Variants in DNAJC17 observed in about 807,000 individuals in gnomAD.
DNAJC17 encodes the protein dnaJ homolog subfamily C member 17.
A neutral mutation model predicts 48.1 loss-of-function variants in DNAJC17; 35 were observed. The observed-to-expected ratio is 0.73, with a 90% CI of 0.56 to 0.96. DNAJC17 has a LOEUF of 0.96. Ranked by LOEUF, DNAJC17 falls within the 50% of genes least tolerant of loss-of-function variation. The pLI, the probability that DNAJC17 is intolerant of heterozygous loss-of-function variation, is 0.00. For synonymous variants in DNAJC17, 117 were observed against 142.7 expected (o/e 0.82, Z 1.28); for missense variants, 355 against 377.1 (o/e 0.94, Z 0.48).
In DNAJC17 at chr15:40,770,049, A is replaced by C; in HGVS notation, c.793-1987T>G. ...CACGGCCCCACACTGCCCCAGAGACATATAGGAGCCAGGCAAACACCAGGG... is the reference window on the plus strand; with the variant it reads ...CACGGCCCCACACTGCCCCAGAGACCTATAGGAGCCAGGCAAACACCAGGG... On this transcript the variant is annotated intron_variant, in intron 10 of 10. Transcript: ENST00000220496. This position sits in a 1 kb window ranked among gnomAD's most constrained non-coding sequence, Gnocchi z 5.0. 5.6e-6 allele frequency: 1 copy of C among 179,202 alleles called. No individual in the cohort carries two copies. The allele number at this position is 179,202 out of a possible 1,614,324, so 11.1% of individuals were successfully genotyped here. A position where few individuals can be genotyped will look rare whatever the true frequency, so the allele number is the denominator to read the frequency against.
intron 6 of DNAJC17, among the ~76,000 whole-genome samples, chr15:40,775,825 ACT>A (rs1041073845): frequency 2.0e-5 from 3 of 152,028 alleles, no homozygotes; most frequent in African/African-American, 7.2e-5. Context: ...ACTTGTCAGC[ACT>A]CTCTGAATGG....
rs541743713 is a variant in DNAJC17 at position 40,774,723 on chromosome 15, C to T, written c.601-287G>A. 3.9e-4 allele frequency among the ~76,000 whole-genome samples: 59 copies of T among 152,322 alleles called. 1 individual carries two copies. Among genetic ancestry groups the T allele is most frequent in the African/African-American group, 1.0e-3 (42 of 41,564 alleles). On this transcript the variant is annotated intron_variant, in intron 8 of 10. Coordinates refer to ENST00000220496, the MANE Select transcript of DNAJC17 (RefSeq NM_018163.3). The stretch of plus-strand genomic sequence containing the variant: ...TGCTAGTTGAACGTGGTGAAAAGGA[C>T]GGGGCTTTCGTGCCAGATACGCACC...
intron 1 of DNAJC17, among the ~76,000 whole-genome samples, chr15:40,788,675 C>T (rs551733341): frequency 6.8e-6 from 1 of 146,978 alleles, no homozygotes; most frequent in African/African-American, 2.5e-5. Flanking sequence ...CAGCCTGGGC[C>T]ACAGAGCGAG....
chr15:40,770,361 G>C lies in DNAJC17; in HGVS notation c.793-2299C>G. The C allele has an allele frequency of 1.2e-6, 1 of 836,284 alleles. No individual in the cohort carries two copies. The highest frequency in any genetic ancestry group is 1.8e-6 in the Non-Finnish European group (1 of 550,196). 51.8% of individuals were successfully genotyped at this position (836,284 alleles called of 1,614,324 possible). On this transcript the variant is annotated intron_variant, in intron 10 of 10. Coordinates refer to ENST00000220496, the MANE Select transcript of DNAJC17 (RefSeq NM_018163.3). The surrounding 1 kb of genome is among the most constrained non-coding windows in gnomAD (Gnocchi z 5.0). ...CTCACCATCCAAGATGTGGTCAAAG[G>C]TCTGTGCTGAGTGGAAACCCTGAGG...
Position 40,767,252 on chromosome 15 carries a change from C to T in DNAJC17, c.*688G>A. 1.9e-6 allele frequency: 3 copies of T among 1,591,750 alleles called. No homozygotes were observed. Among genetic ancestry groups the T allele is most frequent in the Non-Finnish European group, 2.6e-6 (3 of 1,169,446 alleles). On this transcript the variant is annotated 3_prime_UTR_variant, in exon 11 of 11. Coordinates refer to ENST00000220496, the MANE Select transcript of DNAJC17 (RefSeq NM_018163.3). ...TATGAATACTACGTCGATGACCCTC[C>T]CCGCATAGTCCTGGACAAGCTGGAA...
At position 40,767,580 on chromosome 15, in the gene DNAJC17, C is replaced by T. The variant is rs537459148; in HGVS notation, c.*360G>A. On this transcript the variant is annotated 3_prime_UTR_variant, in exon 11 of 11. Coordinates refer to ENST00000220496, the MANE Select transcript of DNAJC17 (RefSeq NM_018163.3). ...TCCCAGCTGCCCTCCTGCTTCGGGC[C>T]TGGGCCGAGGGCCTTGTGTAGGCCA... 11 of 604,144 alleles carry T rather than the reference C, an allele frequency of 1.8e-5. No individual in the cohort carries two copies. The highest frequency in any genetic ancestry group is 3.8e-5 in the African/African-American group (2 of 52,004). 37.4% of individuals were successfully genotyped at this position (604,144 alleles called of 1,614,324 possible).
In DNAJC17 at chr15:40,765,664, C is replaced by G. The variant is rs1347703158; in HGVS notation, c.*2276G>C. ...TGCTCCTCCTGATCATTGATGGGCT[C>G]CACCCCTTCACAGCTTGTGCTCAGC... On this transcript the variant is annotated 3_prime_UTR_variant, in exon 11 of 11. Coordinates refer to ENST00000220496, the MANE Select transcript of DNAJC17 (RefSeq NM_018163.3). 7.3e-6 allele frequency: 3 copies of G among 412,120 alleles called. No homozygotes were observed. The highest frequency in any genetic ancestry group is 4.1e-5 in the African/African-American group (2 of 48,838). 25.5% of individuals were successfully genotyped at this position (412,120 alleles called of 1,614,324 possible). A position where few individuals can be genotyped will look rare whatever the true frequency, so the allele number is the denominator to read the frequency against.
intron 1 of DNAJC17, among the ~76,000 whole-genome samples, chr15:40,795,769 C>T (rs553415514): frequency 1.1e-4 from 16 of 152,248 alleles, no homozygotes; most frequent in African/African-American, 3.6e-4. Context: ...GTGGTGGGCA[C>T]CTGTAGTCCC....
intron 7 of DNAJC17, 40 bp downstream of exon 7, chr15:40,775,513 T>C (rs1056951332): frequency 2.5e-6 from 4 of 1,608,124 alleles, no homozygotes; most frequent in Middle Eastern, 3.9e-4. Flanking sequence ...GGGGAGGCGG[T>C]GTGAGTGTGA....
At chr15:40,790,732 C>G (rs1444282943) in intron 1 of DNAJC17, among the ~76,000 whole-genome samples, 1 of 152,144 alleles carries the variant, frequency 6.6e-6, no homozygotes, top group Non-Finnish European at 1.5e-5. Flanking sequence ...AAGGTCTCAT[C>G]AAATGAGATA....
chr15:40,767,112 C>G lies in DNAJC17; in HGVS notation c.*828G>C. The G allele has an allele frequency of 8.8e-7, 1 of 1,136,160 alleles. No individual in the cohort carries two copies. Among genetic ancestry groups the G allele is most frequent in the Non-Finnish European group, 1.2e-6 (1 of 843,982 alleles). The allele number at this position is 1,136,160 out of a possible 1,614,324, so 70.4% of individuals were successfully genotyped here. On this transcript the variant is annotated 3_prime_UTR_variant, in exon 11 of 11. Transcript: ENST00000220496. Reference sequence around the variant, plus strand: ...ACTTACCCCAGCGCCCAGCAAGCAGCCAGCAAGTGTGAGTCACTACAAGAG... The same window carrying G: ...ACTTACCCCAGCGCCCAGCAAGCAGGCAGCAAGTGTGAGTCACTACAAGAG...
chr15:40,767,575 C>T lies in DNAJC17; in HGVS notation c.*365G>A. 2 of 603,128 alleles carry T rather than the reference C, an allele frequency of 3.3e-6. No individual in the cohort carries two copies. Among genetic ancestry groups the T allele is most frequent in the Admixed American group, 3.6e-5 (1 of 27,678 alleles). 37.4% of individuals were successfully genotyped at this position (603,128 alleles called of 1,614,324 possible). On this transcript the variant is annotated 3_prime_UTR_variant, in exon 11 of 11. Transcript: ENST00000220496. ...GGTGCTCCCAGCTGCCCTCCTGCTTCGGGCCTGGGCCGAGGGCCTTGTGTA... is the reference window on the plus strand; with the variant it reads ...GGTGCTCCCAGCTGCCCTCCTGCTTTGGGCCTGGGCCGAGGGCCTTGTGTA...
chr15:40,774,879 G>T, intron 8 of DNAJC17, 152 bp downstream of exon 8: 1 of 750,922 alleles, frequency 1.3e-6, no homozygotes, highest in Non-Finnish European at 2.2e-6. Context: ...AGCCTGGGGA[G>T]AAGTCTCTAA....
In DNAJC17 at chr15:40,767,110, A is replaced by G; in HGVS notation, c.*830T>C. 9.0e-7 allele frequency: 1 copy of G among 1,108,190 alleles called. No homozygotes were observed. The highest frequency in any genetic ancestry group is 1.2e-6 in the Non-Finnish European group (1 of 818,682). 68.6% of individuals were successfully genotyped at this position (1,108,190 alleles called of 1,614,324 possible). A position where few individuals can be genotyped will look rare whatever the true frequency, so the allele number is the denominator to read the frequency against. On this transcript the variant is annotated 3_prime_UTR_variant, in exon 11 of 11. Coordinates refer to ENST00000220496, the MANE Select transcript of DNAJC17 (RefSeq NM_018163.3). ...GCACTTACCCCAGCGCCCAGCAAGC[A>G]GCCAGCAAGTGTGAGTCACTACAAG...
intron 4 of DNAJC17, chr15:40,778,995 A>G: frequency 1.8e-6 from 1 of 569,690 alleles, no homozygotes; most frequent in South Asian, 1.8e-5. Context: ...TATGATAATT[A>G]AAGGGACAAT....
intron 1 of DNAJC17, among the ~76,000 whole-genome samples, chr15:40,794,427 T>G (rs1889895665): frequency 6.6e-6 from 1 of 152,090 alleles, no homozygotes; most frequent in African/African-American, 2.4e-5. Context: ...ATCCCAGCAC[T>G]TTGGGAGGCC....
chr15:40,802,272 G>A (rs1213043794), intron 1 of DNAJC17, among the ~76,000 whole-genome samples: 1 of 150,916 alleles, frequency 6.6e-6, no homozygotes, highest in Non-Finnish European at 1.5e-5. Flanking sequence ...CCAGGTTCAA[G>A]CGATTCTCCT....
At chr15:40,788,384 G>A (rs1163098054) in intron 1 of DNAJC17, among the ~76,000 whole-genome samples, 1 of 152,046 alleles carries the variant, frequency 6.6e-6, no homozygotes, top group Non-Finnish European at 1.5e-5. Flanking sequence ...GCAACAAAGC[G>A]AACCCCACCT....
intron 4 of DNAJC17, among the ~76,000 whole-genome samples, chr15:40,778,089 G>C (rs1829386965): frequency 6.6e-6 from 1 of 151,992 alleles, no homozygotes; most frequent in Non-Finnish European, 1.5e-5. Flanking sequence ...CTACTCAGGA[G>C]GCCAAGGCAG....
Sources: allele counts gnomAD v4.1 joint callset (sites outside exome capture counted in the v4.1 genomes callset), GRCh38; gene constraint gnomAD v4.1.1; non-coding constraint Gnocchi (gnomAD v3.1); transcripts MANE v1.5; gene names NCBI Gene and HGNC (gene_info 2026-07-23, HGNC 2026-07-21).